The following PARD3B variants were observed in gnomAD, a reference collection of about 807,000 sequenced individuals.
PARD3B encodes the protein partitioning defective 3 homolog B.
In PARD3B, 103 loss-of-function variants were observed where a neutral mutation model predicts 130.2. The observed-to-expected ratio is 0.79, with a 90% CI of 0.67 to 0.93. The LOEUF (loss-of-function observed/expected upper bound fraction) is 0.93, where lower values mean the gene tolerates loss of function less well. PARD3B is among the 40% of genes least tolerant of loss of function. PARD3B has a pLI of 0.00. For missense variants in PARD3B, 1,609 were observed against 1,499.2 expected, an observed-to-expected ratio of 1.07 and a Z score of -1.21; for synonymous variants, 583 against 553.2, an observed-to-expected ratio of 1.05 and a Z score of -0.76.
chr2:204,646,716 A>C (rs1308866442), intron 1 of PARD3B, among the ~76,000 whole-genome samples: 1 of 152,038 alleles, frequency 6.6e-6, no homozygotes. Flanking sequence ...GTGCCAGTTC[A>C]TATTTCTATT....
intron 4 of PARD3B, among the ~76,000 whole-genome samples, chr2:205,085,506 G>A (rs1275335493): frequency 6.6e-6 from 1 of 151,844 alleles, no homozygotes; most frequent in Non-Finnish European, 1.5e-5. Context: ...TTATTTTTAT[G>A]TAAAAATTGT....
chr2:204,687,926 C>T (rs2125246761), intron 2 of PARD3B, among the ~76,000 whole-genome samples: 1 of 152,248 alleles, frequency 6.6e-6, no homozygotes, highest in African/African-American at 2.4e-5. Flanking sequence ...AGGATAAGTC[C>T]ATGAACAGTG....
chr2:205,175,354 AGGGTAATACACT>A lies in PARD3B; in HGVS notation c.1792-1086_1792-1075del, dbSNP rs2035409044. ...CAGTTTGACTAGCAGTTCAGAAGAA[AGGGTAATACACT>A]GGGTGTGGGAAAAGTGTTACAAGCC... On this transcript the variant is annotated intron_variant, in intron 12 of 22. Transcript: ENST00000406610. 2.6e-5 allele frequency among the ~76,000 whole-genome samples: 4 copies of A among 152,356 alleles called. No individual in the cohort carries two copies. The South Asian group carries it at 8.3e-4, about 32-fold the overall frequency.
intron 15 of PARD3B, among the ~76,000 whole-genome samples, chr2:205,225,848 C>T (rs1215029526): frequency 6.6e-6 from 1 of 152,156 alleles, no homozygotes; most frequent in Non-Finnish European, 1.5e-5. Flanking sequence ...AGGTCCTTTC[C>T]CCAACATTTG....
In PARD3B at chr2:205,300,265, A is replaced by G. The variant is rs2041947691; in HGVS notation, c.2186-265A>G. Among the ~76,000 whole-genome samples, 1 of 152,222 alleles carries G rather than the reference A, an allele frequency of 6.6e-6. No individual in the cohort carries two copies. The highest frequency in any genetic ancestry group is 6.5e-5 in the Admixed American group (1 of 15,286). ...TGTGTGTATATGCCTATAGACACACATGCATATACACTTCTGCATAGAGAG... is the reference window on the plus strand; with the variant it reads ...TGTGTGTATATGCCTATAGACACACGTGCATATACACTTCTGCATAGAGAG... On this transcript the variant is annotated intron_variant, in intron 16 of 22. Transcript: ENST00000406610. The surrounding 1 kb of genome is among the most constrained non-coding windows in gnomAD (Gnocchi z 4.1).
At chr2:205,094,367 T>C (rs975584503) in intron 4 of PARD3B, among the ~76,000 whole-genome samples, 5 of 152,118 alleles carry the variant, frequency 3.3e-5, no homozygotes, top group African/African-American at 1.2e-4. Context: ...GTGAAATGCT[T>C]ATAGACGATA....
chr2:204,981,442 A>G (rs1692658478), intron 3 of PARD3B, among the ~76,000 whole-genome samples: 1 of 152,230 alleles, frequency 6.6e-6, no homozygotes, highest in Admixed American at 6.5e-5. Context: ...TTCATAAAAT[A>G]GAAGGTGTAA....
intron 14 of PARD3B, among the ~76,000 whole-genome samples, chr2:205,191,147 A>C (rs567548725): frequency 1.3e-5 from 2 of 151,992 alleles, no homozygotes; most frequent in East Asian, 1.9e-4. Flanking sequence ...TTATGAAAAC[A>C]TGTGAAATCT....
chr2:204,611,553 A>G (rs921894173), intron 1 of PARD3B, among the ~76,000 whole-genome samples: 10 of 152,320 alleles, frequency 6.6e-5, no homozygotes, highest in Middle Eastern at 3.4e-3. Context: ...TTTTAAAGTT[A>G]TACGACCTCT....
chr2:204,738,698 C>G (rs2039863938), intron 2 of PARD3B, among the ~76,000 whole-genome samples: 1 of 151,426 alleles, frequency 6.6e-6, no homozygotes. Flanking sequence ...CTGAGGTCCC[C>G]ACATCCTTTC....
At chr2:205,000,792 T>C (rs902253722) in intron 3 of PARD3B, among the ~76,000 whole-genome samples, 9 of 152,166 alleles carry the variant, frequency 5.9e-5, no homozygotes, top group Admixed American at 5.9e-4. Flanking sequence ...CTTCCATCCA[T>C]ATTGCTTGAG....
intron 2 of PARD3B, among the ~76,000 whole-genome samples, chr2:204,838,020 A>G (rs749733975): frequency 1.3e-5 from 2 of 152,146 alleles, no homozygotes; most frequent in Non-Finnish European, 2.9e-5. Flanking sequence ...AGCTCACAGT[A>G]TAATGGGGGG....
rs376468483 is a variant in PARD3B, at chr2:205,501,582, A to C, written c.3180+1551A>C. Reference sequence around the variant, plus strand: ...ACAAGCAATAAAATAAAGGAAAGTCATTTCCACTGTACCCAAAACAGAACA... The same window carrying C: ...ACAAGCAATAAAATAAAGGAAAGTCCTTTCCACTGTACCCAAAACAGAACA... On this transcript the variant is annotated intron_variant, in intron 21 of 22. Transcript: ENST00000406610. 2.6e-4 allele frequency among the ~76,000 whole-genome samples: 40 copies of C among 152,334 alleles called. No homozygotes were observed. The South Asian group carries it at 4.6e-3, about 17-fold the overall frequency.
chr2:204,564,050 A>T (rs1351915161), intron 1 of PARD3B, among the ~76,000 whole-genome samples: 1 of 152,198 alleles, frequency 6.6e-6, no homozygotes, highest in East Asian at 1.9e-4. Flanking sequence ...CTGGGATTGC[A>T]GGCGTGAGCC....
chr2:204,762,520 C>T (rs1163067397), intron 2 of PARD3B, among the ~76,000 whole-genome samples: 1 of 152,002 alleles, frequency 6.6e-6, no homozygotes, highest in Non-Finnish European at 1.5e-5. Context: ...AAATTTAAGC[C>T]TTGATTCATC....
chr2:204,701,948 T>G lies in PARD3B; in HGVS notation c.222+15666T>G, dbSNP rs77390476. ...TCTATTGTTGCCATCTTTATGTCCA[T>G]GAGTACGTGTTGTTTAGCTCCCACT... On this transcript the variant is annotated intron_variant, in intron 2 of 22. Transcript: ENST00000406610. Among the ~76,000 whole-genome samples the G allele has an allele frequency of 8.5e-3, 1,294 of 152,268 alleles. 17 individuals carry two copies. The highest frequency in any genetic ancestry group is 0.03 in the African/African-American group (1,227 of 41,546).
At chr2:205,551,627 A>G (rs1176450445) in intron 21 of PARD3B, among the ~76,000 whole-genome samples, 1 of 152,094 alleles carries the variant, frequency 6.6e-6, no homozygotes, top group East Asian at 1.9e-4. Flanking sequence ...ACAATAATTA[A>G]ACACCAAGAA....
chr2:204,800,049 T>A (rs1163703954), intron 2 of PARD3B, among the ~76,000 whole-genome samples: 2 of 152,180 alleles, frequency 1.3e-5, no homozygotes, highest in Non-Finnish European at 2.9e-5. Flanking sequence ...CAGTGACTAA[T>A]CCTGGAGTGA....
chr2:204,913,221 T>C (rs1280052717), intron 2 of PARD3B, among the ~76,000 whole-genome samples: 2 of 152,170 alleles, frequency 1.3e-5, no homozygotes, highest in African/African-American at 4.8e-5. Flanking sequence ...CACAAGCTTT[T>C]ATGGAAATAT....
Sources: gnomAD v4.1 joint callset for allele counts (sites outside exome capture counted in the v4.1 genomes callset) on GRCh38, gnomAD v4.1.1 for gene constraint, Gnocchi (gnomAD v3.1) non-coding constraint, MANE v1.5 for transcripts, NCBI Gene and HGNC (gene_info 2026-07-23, HGNC 2026-07-21) for gene names.